The following IAPP variants were observed in gnomAD, a reference collection of about 807,000 sequenced individuals.
The protein encoded by IAPP is islet amyloid polypeptide.
In IAPP, 4 loss-of-function variants were observed where a neutral mutation model predicts 2.9. That is an observed-to-expected ratio of 1.39 (90% CI 0.69 to 3.19). The LOEUF (loss-of-function observed/expected upper bound fraction) is 3.19, where lower values mean the gene tolerates loss of function less well. IAPP is among the 30% of genes most tolerant of loss of function. The pLI is 0.01. For synonymous variants in IAPP, 40 were observed against 42.1 expected (o/e 0.95, Z 0.19); for missense variants, 114 against 105.3 (o/e 1.08, Z -0.36).
At chr12:21,372,731 T>C (rs1939889625), upstream of IAPP, among the ~76,000 whole-genome samples, 1 of 152,236 alleles carries the variant, frequency 6.6e-6, no homozygotes, top group Non-Finnish European at 1.5e-5. Flanking sequence ...TTTGCTACGT[T>C]AATATTTACT....
chr12:21,374,302 TAGTG>T (rs1180883861), intron 2 of IAPP: 1 of 152,256 alleles, frequency 6.6e-6, no homozygotes, highest in East Asian at 1.9e-4. Flanking sequence ...ATAAATAACA[TAGTG>T]AGGATTTGTT....
At chr12:21,367,158 C>T (rs1295957254) in intron 1 of IAPP, among the ~76,000 whole-genome samples, 1 of 152,032 alleles carries the variant, frequency 6.6e-6, no homozygotes, top group East Asian at 1.9e-4. Context: ...CTTTTAGCCA[C>T]ATTAGTGGTT....
chr12:21,369,529 A>G (rs1939631934), upstream of IAPP, among the ~76,000 whole-genome samples: 1 of 152,216 alleles, frequency 6.6e-6, no homozygotes, highest in South Asian at 2.1e-4. Flanking sequence ...CACTATCTAT[A>G]AATTAGAGCA....
At chr12:21,367,564 T>C (rs948916512) in intron 1 of IAPP, among the ~76,000 whole-genome samples, 2 of 151,960 alleles carry the variant, frequency 1.3e-5, no homozygotes, top group African/African-American at 2.4e-5. Flanking sequence ...CTGAGACAAT[T>C]TGCAAGCCTA....
Position 21,357,531 on chromosome 12 carries a change from G to A in IAPP, c.-16+2518G>A, listed in dbSNP as rs1490605997. On this transcript the variant is annotated intron_variant, in intron 1 of 2. Transcript: ENST00000539393. ...TGTTGCAGCACTTTTTGTCCCAACT[G>A]GTTGGAAATGTCATTGTTATTTTCC... 2.6e-5 allele frequency among the ~76,000 whole-genome samples: 4 copies of A among 152,130 alleles called. No individual in the cohort carries two copies. The East Asian group carries it at 5.8e-4, about 22-fold the overall frequency.
chr12:21,378,805 G>A lies in IAPP; in HGVS notation c.*379G>A, dbSNP rs946924434. ...GAAAATCAGTAATTGGACCAGGCGC[G>A]GTGGCTCTTGCCTGTAATCCCAGCA... On this transcript the variant is annotated 3_prime_UTR_variant, in exon 3 of 3. Coordinates refer to ENST00000240652, the MANE Select transcript of IAPP (RefSeq NM_000415.3). The A allele has an allele frequency of 3.3e-5, 6 of 181,704 alleles. No individual in the cohort carries two copies. Among genetic ancestry groups the A allele is most frequent in the South Asian group, 1.1e-4 (1 of 8,954 alleles). 11.3% of individuals were successfully genotyped at this position (181,704 alleles called of 1,614,324 possible). A position where few individuals can be genotyped will look rare whatever the true frequency, so the allele number is the denominator to read the frequency against.
At chr12:21,362,675 C>T (rs1247940037) in intron 1 of IAPP, among the ~76,000 whole-genome samples, 1 of 152,076 alleles carries the variant, frequency 6.6e-6, no homozygotes, top group Non-Finnish European at 1.5e-5. Flanking sequence ...CAGAGACACG[C>T]ATAGGCTCAA....
intron 1 of IAPP, among the ~76,000 whole-genome samples, chr12:21,362,090 T>C (rs1266636061): frequency 6.6e-6 from 1 of 151,996 alleles, no homozygotes; most frequent in East Asian, 1.9e-4. Flanking sequence ...AGACACATAA[T>C]TGTCAGATTC....
chr12:21,368,253 T>C (rs1939533590), upstream of IAPP, among the ~76,000 whole-genome samples: 1 of 151,942 alleles, frequency 6.6e-6, no homozygotes, highest in Non-Finnish European at 1.5e-5. Context: ...AAACTACAAG[T>C]ATAGAGGAAA....
At chr12:21,374,206 T>G (rs1259487174) in intron 2 of IAPP, among the ~76,000 whole-genome samples, 1 of 152,202 alleles carries the variant, frequency 6.6e-6, no homozygotes, top group Non-Finnish European at 1.5e-5. Context: ...CACGTAAAAC[T>G]CTTAGAGTAG....
chr12:21,362,157 T>A (rs1938955082), intron 1 of IAPP, among the ~76,000 whole-genome samples: 1 of 152,114 alleles, frequency 6.6e-6, no homozygotes, highest in Admixed American at 6.5e-5. Flanking sequence ...AAGGTCAGGT[T>A]ACCCACAAAG....
chr12:21,364,655 C>A (rs1217716559), intron 1 of IAPP, among the ~76,000 whole-genome samples: 4 of 152,216 alleles, frequency 2.6e-5, no homozygotes, highest in African/African-American at 9.6e-5. Flanking sequence ...ACCCCAACAT[C>A]TCAGCCCAAA....
chr12:21,372,041 C>A (rs896347616), upstream of IAPP, among the ~76,000 whole-genome samples: 1 of 151,238 alleles, frequency 6.6e-6, no homozygotes, highest in Non-Finnish European at 1.5e-5. Context: ...GAAAGAAATA[C>A]AAGAAAAAGA....
At chr12:21,374,583 A>T (rs1294239118) in intron 2 of IAPP, 1 of 152,154 alleles carries the variant, frequency 6.6e-6, no homozygotes, top group Non-Finnish European at 1.5e-5. Flanking sequence ...TTCAAGGCTT[A>T]TTTAGTTTAC....
chr12:21,373,420 A>AC lies in IAPP; in HGVS notation c.72dup (p.Ile25HisfsTer2). On this transcript the variant is annotated frameshift_variant, in exon 2 of 3. Transcript: ENST00000240652. LOFTEE classifies it low-confidence loss of function (END_TRUNC). Reference sequence around the variant, plus strand: ...TTGCATTGAACCATCTGAAAGCTACACCCATTGAAAGGTTGGTAACTTTAA... The same window carrying AC: ...TTGCATTGAACCATCTGAAAGCTACACCCCATTGAAAGGTTGGTAACTTTAA... 1 of 1,611,698 alleles carries AC rather than the reference A, an allele frequency of 6.2e-7. No individual in the cohort carries two copies. The highest frequency in any genetic ancestry group is 1.3e-5 in the African/African-American group (1 of 75,022).
In IAPP at chr12:21,379,641, T is replaced by A. The variant is rs1940461246; in HGVS notation, c.*1215T>A. The stretch of plus-strand genomic sequence containing the variant: ...TCAGATTCTTATGAATATCTGCTTT[T>A]CCCTGACTTTGAGTTAGGTAGCTTT... On this transcript the variant is annotated 3_prime_UTR_variant, in exon 3 of 3. Transcript: ENST00000240652. The A allele has an allele frequency of 6.6e-6, 1 of 152,226 alleles. No homozygotes were observed. 9.4% of individuals were successfully genotyped at this position (152,226 alleles called of 1,614,324 possible). A position where few individuals can be genotyped will look rare whatever the true frequency, so the allele number is the denominator to read the frequency against.
At chr12:21,375,473 C>A (rs563018364) in intron 2 of IAPP, among the ~76,000 whole-genome samples, 60 of 152,246 alleles carry the variant, frequency 3.9e-4, no homozygotes, top group African/African-American at 1.4e-3. Flanking sequence ...ATTTTCCTCA[C>A]AAAATTTAAT....
At chr12:21,364,575 G>C (rs1375375971) in intron 1 of IAPP, among the ~76,000 whole-genome samples, 1 of 152,156 alleles carries the variant, frequency 6.6e-6, no homozygotes, top group Non-Finnish European at 1.5e-5. Flanking sequence ...AAGAAATAAA[G>C]GGTATTCAAT....
chr12:21,373,623 T>C, intron 2 of IAPP, 192 bp downstream of exon 2: 2 of 700,222 alleles, frequency 2.9e-6, no homozygotes, highest in Admixed American at 2.0e-5. Flanking sequence ...ATAAATATCT[T>C]TGATGGAACT....
Sources: gnomAD v4.1 joint callset for allele counts (sites outside exome capture counted in the v4.1 genomes callset) on GRCh38, gnomAD v4.1.1 for gene constraint, MANE v1.5 for transcripts, NCBI Gene and HGNC (gene_info 2026-07-23, HGNC 2026-07-21) for gene names.